Variants in MAP3K11 observed in about 807,000 individuals in gnomAD.
The protein encoded by MAP3K11 is SH3 domain-containing proline-rich kinase.
A neutral mutation model predicts 84.9 loss-of-function variants in MAP3K11; 46 were observed. The observed-to-expected ratio is 0.54, with a 90% CI of 0.43 to 0.69. The LOEUF (loss-of-function observed/expected upper bound fraction) is 0.69. Among genes scored for constraint, MAP3K11 ranks in the 30% least tolerant of loss-of-function variants. The pLI, the probability that MAP3K11 is intolerant of heterozygous loss-of-function variation, is 0.00. For missense variants in MAP3K11, 1,053 were observed against 1,198.3 expected (o/e 0.88, Z 1.79); for synonymous variants, 527 against 514.7 (o/e 1.02, Z -0.32).
chr11:65,613,286 T>C lies in MAP3K11; in HGVS notation c.471A>G (p.Thr157=), dbSNP rs1488291562. The change falls in exon 1 of 10, where the codon ACA becomes ACG. Residue 157 remains threonine (T), a synonymous_variant. Coordinates refer to ENST00000309100, the MANE Select transcript of MAP3K11 (RefSeq NM_002419.4). ...RQDPDEDISV[T]AESVRQEARL... is the part of the protein sequence containing the mutation. ...GGGCCTCCTGGCGAACGCTCTCGGC[T>C]GTCACACTGATGTCCTCATCGGGGT... is the stretch of plus-strand genomic sequence containing the variant. 3 of 1,613,088 alleles carry C rather than the reference T, an allele frequency of 1.9e-6. No individual in the cohort carries two copies. Among genetic ancestry groups the C allele is most frequent in the African/African-American group, 2.7e-5 (2 of 74,932 alleles).
In MAP3K11 at chr11:65,599,708, C is replaced by T. The variant is rs763182102; in HGVS notation, c.1892G>A (p.Arg631His). The T allele has an allele frequency of 1.1e-5, 18 of 1,581,262 alleles. No individual in the cohort carries two copies. Among genetic ancestry groups the T allele is most frequent in the African/African-American group, 5.4e-5 (4 of 74,612 alleles). The change falls in exon 9 of 10, where the codon CGC (arginine) becomes CAC (histidine). Residue 631 changes from arginine (R) to histidine (H), a missense_variant. By Grantham distance (29) the Arg-to-His change is conservative (BLOSUM62 0). This residue lies in a region of MAP3K11 where 583 missense variants were observed against 566.6 expected (regional missense o/e 1.03). Coordinates refer to ENST00000309100, the MANE Select transcript of MAP3K11 (RefSeq NM_002419.4). ...CTTGGGCGTCCCAGAGCTGCTACCGCGCTCTGCGGGGACAGGCCTCTTGGG... is the reference window on the plus strand; with the variant it reads ...CTTGGGCGTCCCAGAGCTGCTACCGTGCTCTGCGGGGACAGGCCTCTTGGG... ...EEPKRPVPAE[R>H]GSSSGTPKLI... is the part of the protein sequence containing the mutation.
At position 65,606,817 on chromosome 11, in the gene MAP3K11, T is replaced by A; in HGVS notation, c.1490-13A>T. 2 of 1,562,402 alleles carry A rather than the reference T, an allele frequency of 1.3e-6. No homozygotes were observed. Among genetic ancestry groups the A allele is most frequent in the South Asian group, 1.1e-5 (1 of 88,082 alleles). The stretch of plus-strand genomic sequence containing the variant: ...CGGTGCTTGAAGTCTGGGATTTGGG[T>A]TGGGGGGAGCAGGGTTCAGGTTTGT... On this transcript the variant is annotated splice_polypyrimidine_tract_variant and intron_variant, in intron 5 of 9. Coordinates refer to ENST00000309100, the MANE Select transcript of MAP3K11 (RefSeq NM_002419.4).
intron 7 of MAP3K11, 24 bp from the exon 8 acceptor site, chr11:65,605,876 G>T (rs1565143908): frequency 6.2e-7 from 1 of 1,612,464 alleles, no homozygotes; most frequent in Non-Finnish European, 8.5e-7. Context: ...GGCAAGGAGG[G>T]GTGCTTTAGG....
At chr11:65,607,203 C>A (rs1443875434) in intron 5 of MAP3K11, 67 bp downstream of exon 5, 10 of 1,415,928 alleles carry the variant, frequency 7.1e-6, no homozygotes, top group Non-Finnish European at 9.1e-6. Flanking sequence ...GCGGTGAGCA[C>A]ACAGGCCTGG....
intron 6 of MAP3K11, 137 bp from the exon 7 acceptor site, chr11:65,606,218 T>G (rs776289394): frequency 6.3e-5 from 66 of 1,039,576 alleles, no homozygotes; most frequent in Non-Finnish European, 8.4e-5. Context: ...TTGGGCAAGA[T>G]AGATGGGTTT....
intron 8 of MAP3K11, chr11:65,605,500 T>C (rs1009967764): frequency 1.1e-5 from 4 of 364,206 alleles, no homozygotes; most frequent in South Asian, 5.8e-5. Context: ...AAGAGGCTTC[T>C]TGCAGGCCAG....
rs1313355267 is a variant in MAP3K11, at chr11:65,607,260, C to T, written c.1489+10G>A. On this transcript the variant is annotated intron_variant, in intron 5 of 9. Coordinates refer to ENST00000309100, the MANE Select transcript of MAP3K11 (RefSeq NM_002419.4). ...CAATGGCGGGGGACGCCCCGGGGCC[C>T]GGCCCTCACCGAGTGGCATGCTGAT... 4.7e-6 allele frequency: 7 copies of T among 1,495,622 alleles called. No homozygotes were observed. Among genetic ancestry groups the T allele is most frequent in the Non-Finnish European group, 6.2e-6 (7 of 1,131,960 alleles). The allele number at this position is 1,495,622 out of a possible 1,614,324, so 92.6% of individuals were successfully genotyped here.
At chr11:65,607,152 A>G (rs1463833393) in intron 5 of MAP3K11, 118 bp downstream of exon 5, 1 of 1,309,744 alleles carries the variant, frequency 7.6e-7, no homozygotes, top group Non-Finnish European at 9.9e-7. Context: ...CCCAGCCTTC[A>G]TCTCACGGGC....
rs1191605550 is a variant in MAP3K11 at position 65,598,610 on chromosome 11, G to A, written c.2225C>T (p.Pro742Leu). 1.3e-6 allele frequency: 2 copies of A among 1,544,482 alleles called. No homozygotes were observed. Among genetic ancestry groups the A allele is most frequent in the Non-Finnish European group, 1.8e-6 (2 of 1,142,526 alleles). ...AGGAGCAGAGCGTGATGTCCCCGGT[G>A]GGGGTGAGACAGTGCCTCCTGTGAG... ...EEPRGGTVSP[P>L]PGTSRSAPGT... Residue 742 changes from proline (P) to leucine (L), a missense_variant, in exon 10 of 10, where the codon CCA (proline) becomes CTA (leucine). Pro to Leu is a moderately conservative substitution (Grantham distance 98). This residue lies in a region of MAP3K11 where 583 missense variants were observed against 566.6 expected (regional missense o/e 1.03). Coordinates refer to ENST00000309100, the MANE Select transcript of MAP3K11 (RefSeq NM_002419.4).
At position 65,607,721 on chromosome 11, in the gene MAP3K11, G is replaced by A; in HGVS notation, c.1165C>T (p.Arg389Trp). ...LEAQVLREMP[R>W]DSFHSMQEGW... ...TCCTGCATGGAATGGAAGGAGTCCCGCGGCATTTCCCGTAGGACCTGTGCC... is the reference window on the plus strand; with the variant it reads ...TCCTGCATGGAATGGAAGGAGTCCCACGGCATTTCCCGTAGGACCTGTGCC... Residue 389 changes from arginine to tryptophan, a missense_variant, in exon 4 of 10, where the codon CGG (arginine) becomes TGG (tryptophan). By Grantham distance (101) the Arg-to-Trp change is moderately radical. Coordinates refer to ENST00000309100, the MANE Select transcript of MAP3K11 (RefSeq NM_002419.4). 6.2e-7 allele frequency: 1 copy of A among 1,613,900 alleles called. No homozygotes were observed. Among genetic ancestry groups the A allele is most frequent in the East Asian group, 2.2e-5 (1 of 44,888 alleles).
rs770108989 is a variant in MAP3K11, at chr11:65,607,327, A to G, written c.1432T>C (p.Phe478Leu). 1.7e-4 allele frequency: 252 copies of G among 1,517,624 alleles called. 2 individuals are homozygous for G. Among genetic ancestry groups the G allele is most frequent in the Non-Finnish European group, 2.0e-4 (228 of 1,141,704 alleles). The allele number at this position is 1,517,624 out of a possible 1,614,324, so 94.0% of individuals were successfully genotyped here. ...RPHVRRRRGT[F>L]KRSKLRARDG... ...CGCGCCCGGAGCTTGCTGCGCTTGA[A>G]TGTCCCGCGGCGGCGGCGCACGTGC... Residue 478 changes from phenylalanine (F) to leucine (L), a missense_variant, in exon 5 of 10, where the codon TTC becomes CTC. By Grantham distance (22) the Phe-to-Leu change is conservative. This residue lies in a region of MAP3K11 where 583 missense variants were observed against 566.6 expected (regional missense o/e 1.03). Transcript: ENST00000309100.
chr11:65,606,601 TAGTG>T (rs1854510618), intron 6 of MAP3K11, 86 bp downstream of exon 6: 1 of 940,524 alleles, frequency 1.1e-6, no homozygotes, highest in Non-Finnish European at 1.6e-6. Flanking sequence ...GAAGAGGGGA[TAGTG>T]AGTGGGCTCC....
rs147094249 is a variant in MAP3K11 at position 65,602,443 on chromosome 11, C to T, written c.1832-2675G>A. On this transcript the variant is annotated intron_variant, in intron 8 of 9. Transcript: ENST00000309100. ...GGTGGCTCACTTGAGGTCAGGAGTT[C>T]GGGACCAGCCTGGTCAACATGGTGA... 7.1e-4 allele frequency among the ~76,000 whole-genome samples: 108 copies of T among 152,166 alleles called. No homozygotes were observed. The East Asian group carries it at 0.01, about 14-fold the overall frequency.
In MAP3K11 at chr11:65,613,397, C is replaced by T. The variant is rs1350555808; in HGVS notation, c.360G>A (p.Glu120=). Residue 120 remains glutamate, a synonymous_variant, in exon 1 of 10, where the codon GAG becomes GAA. Coordinates refer to ENST00000309100, the MANE Select transcript of MAP3K11 (RefSeq NM_002419.4). ...CAAAGCCTCCAATGCCGATCACCTCCTCCAGCCGCAGCTCCTGGAAGCTGG... is the reference window on the plus strand; with the variant it reads ...CAAAGCCTCCAATGCCGATCACCTCTTCCAGCCGCAGCTCCTGGAAGCTGG... ...EVASFQELRL[E]EVIGIGGFGK... 1.2e-6 allele frequency: 2 copies of T among 1,612,698 alleles called. No homozygotes were observed. Among genetic ancestry groups the T allele is most frequent in the Admixed American group, 1.7e-5 (1 of 59,986 alleles).
chr11:65,598,512 G>A lies in MAP3K11; in HGVS notation c.2323C>T (p.Arg775Cys), dbSNP rs762840511. Reference protein sequence around the residue: ...SRPRPSPLRSRIDPWSFVSAG... With the variant: ...SRPRPSPLRSCIDPWSFVSAG... ...GACACAAAGCTCCAGGGATCAATGC[G>A]GCTGCGAAGGGGCGAGGGCCGAGGT... is the stretch of plus-strand genomic sequence containing the variant. The change falls in exon 10 of 10, where the codon CGC becomes TGC. Residue 775 changes from arginine to cysteine, a missense_variant. Arg to Cys is a radical substitution (Grantham distance 180). Around this residue, in one of 3 missense-constraint regions of MAP3K11, gnomAD observed 583 missense variants for 566.6 expected, o/e 1.03. Coordinates refer to ENST00000309100, the MANE Select transcript of MAP3K11 (RefSeq NM_002419.4). The A allele has an allele frequency of 5.6e-6, 9 of 1,613,424 alleles. No homozygotes were observed. Among genetic ancestry groups the A allele is most frequent in the East Asian group, 2.2e-5 (1 of 44,876 alleles).
intron 1 of MAP3K11, chr11:65,611,499 C>G (rs1349240861): frequency 6.6e-6 from 1 of 152,294 alleles, no homozygotes; most frequent in Non-Finnish European, 1.5e-5. Context: ...CTTGCCTGCC[C>G]TTTACCACCA....
intron 8 of MAP3K11, among the ~76,000 whole-genome samples, chr11:65,604,395 A>C (rs1005392093): frequency 1.1e-4 from 17 of 152,232 alleles, no homozygotes; most frequent in Admixed American, 1.0e-3. Context: ...GAATTCAAGA[A>C]GCCTCCTTGG....
intron 8 of MAP3K11, among the ~76,000 whole-genome samples, chr11:65,600,852 G>A (rs10791821): frequency 0.2 from 29,746 of 152,080 alleles, 3,291 homozygotes; most frequent in Middle Eastern, 0.33. Context: ...TGTCGGGAGG[G>A]AGAAATACAA....
At position 65,612,895 on chromosome 11, in the gene MAP3K11, A is replaced by T. The variant is rs950890564; in HGVS notation, c.739+123T>A. On this transcript the variant is annotated intron_variant, in intron 1 of 9. Transcript: ENST00000309100. ...CTTGAGCCCATGGGCACCCCTGGTCAGCTGGGACCCCCTAGGGTGGGAGCT... is the reference window on the plus strand; with the variant it reads ...CTTGAGCCCATGGGCACCCCTGGTCTGCTGGGACCCCCTAGGGTGGGAGCT... 6.7e-6 allele frequency: 8 copies of T among 1,187,852 alleles called. No homozygotes were observed. The African/African-American group carries it at 1.2e-4, about 19-fold the overall frequency. The allele number at this position is 1,187,852 out of a possible 1,614,324, so 73.6% of individuals were successfully genotyped here. A position where few individuals can be genotyped will look rare whatever the true frequency, so the allele number is the denominator to read the frequency against.
Sources: gnomAD v4.1 joint callset for allele counts (sites outside exome capture counted in the v4.1 genomes callset) on GRCh38, gnomAD v4.1.1 for gene constraint, gnomAD v4.1.1 regional missense constraint, MANE v1.5 for transcripts, NCBI Gene and HGNC (gene_info 2026-07-23, HGNC 2026-07-21) for gene names.